Variants in NEB observed in about 807,000 individuals in gnomAD.
NEB encodes the protein nemaline myopathy type 2.
In NEB, 512 loss-of-function variants were observed where a neutral mutation model predicts 952.2. The observed-to-expected ratio is 0.54, with a 90% CI of 0.50 to 0.58. NEB has a LOEUF of 0.58. Ranked by LOEUF, NEB falls within the 20% of genes least tolerant of loss-of-function variation. The probability of loss-of-function intolerance (pLI) is 0.00; values close to 1 mark genes in which losing one functional copy is unlikely to be tolerated. For synonymous variants in NEB, 2,900 were observed against 3,149.8 expected, an observed-to-expected ratio of 0.92 and a Z score of 2.66; for missense variants, 8,428 against 9,231.1, an observed-to-expected ratio of 0.91 and a Z score of 3.56.
Position 151,617,481 on chromosome 2 carries a change from A to G in NEB, c.11077-13T>C, listed in dbSNP as rs1277584736. The G allele has an allele frequency of 2.8e-6, 4 of 1,427,246 alleles. No homozygotes were observed. Among genetic ancestry groups the G allele is most frequent in the African/African-American group, 2.9e-5 (2 of 69,318 alleles). The allele number at this position is 1,427,246 out of a possible 1,614,324, so 88.4% of individuals were successfully genotyped here. A position where few individuals can be genotyped will look rare whatever the true frequency, so the allele number is the denominator to read the frequency against. On this transcript the variant is annotated splice_polypyrimidine_tract_variant and intron_variant, in intron 74 of 181. Coordinates refer to ENST00000397345, the MANE Select transcript of NEB (RefSeq NM_001164508.2). ...CAGTATATAAGCGCTACAAAAAAAA[A>G]AAAAAAAGAGAGAGAGAGAGAGAAA...
At chr2:151,683,217 C>T (rs1001414249) in intron 28 of NEB, among the ~76,000 whole-genome samples, 7 of 152,128 alleles carry the variant, frequency 4.6e-5, no homozygotes, top group East Asian at 1.9e-4. Context: ...TAGAACTATT[C>T]GTACTAAGTA....
At chr2:151,569,223 T>C in intron 110 of NEB, 45 bp downstream of exon 110, 2 of 1,517,906 alleles carry the variant, frequency 1.3e-6, no homozygotes, top group East Asian at 2.3e-5. Flanking sequence ...ATTTTGTCAC[T>C]TTCTTGGGAA....
intron 32 of NEB, 42 bp downstream of exon 32, chr2:151,679,679 C>CCCAATT: frequency 1.1e-6 from 1 of 913,068 alleles, no homozygotes; most frequent in Non-Finnish European, 1.8e-6. Flanking sequence ...CCCACCCACC[C>CCCAATT]ACATTTTCTA....
At position 151,664,758 on chromosome 2, in the gene NEB, C is replaced by G; in HGVS notation, c.5343+1G>C. 6.2e-7 allele frequency: 1 copy of G among 1,602,986 alleles called. No homozygotes were observed. The highest frequency in any genetic ancestry group is 8.5e-7 in the Non-Finnish European group (1 of 1,171,282). On this transcript the variant is annotated splice_donor_variant, in intron 43 of 181. Coordinates refer to ENST00000397345, the MANE Select transcript of NEB (RefSeq NM_001164508.2). LOFTEE classifies it high-confidence loss of function. ...GCTTTTGCTGTTGTTAACCTACTTA[C>G]ATCACTCATGGTGATTTGGTTTACT...
At position 151,655,279 on chromosome 2, in the gene NEB, C is replaced by A; in HGVS notation, c.6798G>T (p.Leu2266=). The A allele has an allele frequency of 6.4e-7, 1 of 1,557,186 alleles. No homozygotes were observed. The highest frequency in any genetic ancestry group is 8.8e-7 in the Non-Finnish European group (1 of 1,133,788). Residue 2266 remains leucine, a synonymous_variant, in exon 51 of 182, where the codon CTG becomes CTT. Transcript: ENST00000397345. ...DILQAKQNQT[L]YSQKLYKLGW... ...TTTTATATAAATTTACCTGACTATA[C>A]AGTGTTTGATTCTGCTTGGCTTGTA...
At chr2:151,557,126 C>T (rs1228488750) in intron 124 of NEB, among the ~76,000 whole-genome samples, 1 of 151,470 alleles carries the variant, frequency 6.6e-6, no homozygotes, top group Non-Finnish European at 1.5e-5. Flanking sequence ...GCTAGCAAGA[C>T]TAATAAAGAA....
chr2:151,485,987 AAC>A (rs1172815462), intron 181 of NEB, 54 bp from the exon 182 acceptor site: 3 of 1,545,768 alleles, frequency 1.9e-6, no homozygotes, highest in African/African-American at 2.7e-5. Context: ...TGCAACAGTT[AAC>A]ACACATCTAT....
intron 127 of NEB, among the ~76,000 whole-genome samples, chr2:151,553,191 G>A (rs965319003): frequency 6.6e-6 from 1 of 152,066 alleles, no homozygotes; most frequent in South Asian, 2.1e-4. Flanking sequence ...TTCTCCACCA[G>A]AGGACGATGG....
At position 151,607,242 on chromosome 2, in the gene NEB, G is replaced by A. The variant is rs186440374; in HGVS notation, c.12639+262C>T. Reference sequence around the variant, plus strand: ...TAAAAAAACCTAAGATGATAACAGAGACTGTTAAGAGTGAAGGAGGACACC... The same window carrying A: ...TAAAAAAACCTAAGATGATAACAGAAACTGTTAAGAGTGAAGGAGGACACC... On this transcript the variant is annotated intron_variant, in intron 83 of 181. Transcript: ENST00000397345. 1.4e-3 allele frequency among the ~76,000 whole-genome samples: 146 copies of A among 103,368 alleles called. 24 individuals are homozygous for A. The highest frequency in any genetic ancestry group is 3.7e-3 in the African/African-American group (143 of 39,048). 67.8% of individuals were successfully genotyped at this position (103,368 alleles called of 152,430 possible).
intron 168 of NEB, among the ~76,000 whole-genome samples, chr2:151,500,003 C>T (rs1559255366): frequency 6.6e-6 from 1 of 151,940 alleles, no homozygotes; most frequent in Non-Finnish European, 1.5e-5. Flanking sequence ...CAAATAGATA[C>T]AAATAATAAT....
chr2:151,619,946 T>C (rs909425021), intron 72 of NEB, among the ~76,000 whole-genome samples, 184 bp from the exon 73 acceptor site: 14 of 152,156 alleles, frequency 9.2e-5, no homozygotes, highest in Admixed American at 7.9e-4. Flanking sequence ...AACCCCACAA[T>C]GGTTCCTTTA....
chr2:151,514,771 G>C (rs1174738911), intron 158 of NEB, 47 bp downstream of exon 158: 1 of 1,263,788 alleles, frequency 7.9e-7, no homozygotes, highest in East Asian at 2.5e-5. Flanking sequence ...TGTCACTAGT[G>C]CAATTATTTG....
In NEB at chr2:151,675,250, G is replaced by A. The variant is rs754933341; in HGVS notation, c.3879+37C>T. ...CTTAAAGTCTATAATTTTATTGTCAGGTCCGAATTTCACATCCCAGCAAAG... is the reference window on the plus strand; with the variant it reads ...CTTAAAGTCTATAATTTTATTGTCAAGTCCGAATTTCACATCCCAGCAAAG... On this transcript the variant is annotated intron_variant, in intron 35 of 181. Transcript: ENST00000397345. The A allele has an allele frequency of 5.8e-6, 8 of 1,376,104 alleles. No homozygotes were observed. In the South Asian group the frequency reaches 8.7e-5, roughly 15 times the overall value. The allele number at this position is 1,376,104 out of a possible 1,614,324, so 85.2% of individuals were successfully genotyped here.
chr2:151,696,340 G>A (rs2099595712), intron 17 of NEB, among the ~76,000 whole-genome samples: 1 of 152,036 alleles, frequency 6.6e-6, no homozygotes. Flanking sequence ...TAAATCTTTG[G>A]CCACCCAGAC....
intron 181 of NEB, among the ~76,000 whole-genome samples, chr2:151,488,936 T>C (rs1032941564): frequency 1.3e-5 from 2 of 152,044 alleles, no homozygotes; most frequent in Non-Finnish European, 2.9e-5. Context: ...CATATTTAAT[T>C]TTAATAGCTT....
At chr2:151,725,390 C>A (rs2099787425) in intron 6 of NEB, 63 bp downstream of exon 6, 2 of 1,343,448 alleles carry the variant, frequency 1.5e-6, no homozygotes, top group Non-Finnish European at 1.0e-6. Flanking sequence ...TTAGAGCCCA[C>A]AATTCCCAGC....
intron 75 of NEB, among the ~76,000 whole-genome samples, chr2:151,617,028 C>G (rs1265929473): frequency 6.6e-6 from 1 of 152,218 alleles, no homozygotes; most frequent in East Asian, 1.9e-4. Context: ...ACTAACTCAT[C>G]AGATTCCAAC....
At position 151,565,423 on chromosome 2, in the gene NEB, A is replaced by G. The variant is rs7602715; in HGVS notation, c.18366+78T>C. ...CCAATTTTTTTACAAGCAATTATCT[A>G]AAGTTAAGCTAATCCACCCAATGAT... On this transcript the variant is annotated intron_variant, in intron 116 of 181. Coordinates refer to ENST00000397345, the MANE Select transcript of NEB (RefSeq NM_001164508.2). 0.3 allele frequency: 307,361 copies of G among 1,031,574 alleles called. 46,846 individuals are homozygous for G. The highest frequency in any genetic ancestry group is 0.41 in the East Asian group (15,881 of 38,538). The allele number at this position is 1,031,574 out of a possible 1,614,324, so 63.9% of individuals were successfully genotyped here.
chr2:151,695,487 T>G (rs1452903128), intron 18 of NEB, 91 bp downstream of exon 18: 3 of 875,934 alleles, frequency 3.4e-6, no homozygotes, highest in Non-Finnish European at 5.5e-6. Flanking sequence ...ATTTTTAACA[T>G]TAATCTATTC....
Sources: gnomAD v4.1 joint callset for allele counts (sites outside exome capture counted in the v4.1 genomes callset) on GRCh38, gnomAD v4.1.1 for gene constraint, MANE v1.5 for transcripts, NCBI Gene and HGNC (gene_info 2026-07-23, HGNC 2026-07-21) for gene names.